The following TSPAN5 variants were observed in gnomAD, a reference collection of about 807,000 sequenced individuals.
TSPAN5 encodes tetraspanin 5.
TSPAN5 carries 10 observed loss-of-function variants against 37.1 expected under a neutral mutation model. The ratio of observed to expected loss-of-function variants is 0.27; its 90% CI spans 0.17 to 0.46. The LOEUF is 0.46. TSPAN5 is among the 20% of genes least tolerant of loss of function. The pLI, the probability that TSPAN5 is intolerant of heterozygous loss-of-function variation, is 1.00. For missense variants in TSPAN5, 195 were observed against 326.6 expected (o/e 0.60, Z 3.11); for synonymous variants, 110 against 118.9 (o/e 0.93, Z 0.48).
chr4:98,615,775 G>A (rs1025425498), intron 1 of TSPAN5, among the ~76,000 whole-genome samples: 4 of 152,108 alleles, frequency 2.6e-5, no homozygotes, highest in African/African-American at 4.8e-5. Flanking sequence ...TAGACTCGTC[G>A]GAATTTCAGA....
intron 1 of TSPAN5, among the ~76,000 whole-genome samples, chr4:98,521,261 C>A (rs1458059782): frequency 6.6e-6 from 1 of 152,180 alleles, no homozygotes; most frequent in African/African-American, 2.4e-5. Context: ...TCCTTCGTTA[C>A]TATCTTTTCA....
At chr4:98,541,155 C>G (rs1321617686) in intron 1 of TSPAN5, among the ~76,000 whole-genome samples, 1 of 152,188 alleles carries the variant, frequency 6.6e-6, no homozygotes. Flanking sequence ...CCCTCCTTCT[C>G]TAGACAGGGG....
intron 1 of TSPAN5, among the ~76,000 whole-genome samples, chr4:98,606,333 A>G (rs751816366): frequency 6.6e-6 from 1 of 152,252 alleles, no homozygotes; most frequent in African/African-American, 2.4e-5. Context: ...ACTTTTCAAA[A>G]GAAAACAGGA....
intron 7 of TSPAN5, among the ~76,000 whole-genome samples, chr4:98,473,605 G>A (rs926252108): frequency 6.6e-6 from 1 of 151,824 alleles, no homozygotes; most frequent in Non-Finnish European, 1.5e-5. Context: ...GACTACAGGC[G>A]CCCGCCACCG....
At chr4:98,505,686 A>G (rs1031899570) in intron 2 of TSPAN5, among the ~76,000 whole-genome samples, 1 of 152,194 alleles carries the variant, frequency 6.6e-6, no homozygotes, top group African/African-American at 2.4e-5. Flanking sequence ...TGCAAGCTCC[A>G]TGAGGCATGG....
intron 2 of TSPAN5, among the ~76,000 whole-genome samples, chr4:98,488,603 A>C (rs969534196): frequency 3.3e-5 from 5 of 152,222 alleles, no homozygotes; most frequent in African/African-American, 1.2e-4. Context: ...GCATAGACCA[A>C]AGGTTTGATC....
chr4:98,515,642 T>A (rs950914938), intron 1 of TSPAN5, among the ~76,000 whole-genome samples: 7 of 152,170 alleles, frequency 4.6e-5, no homozygotes, highest in Admixed American at 2.0e-4. Flanking sequence ...GACCTGGGAT[T>A]AGATAACAGA....
chr4:98,472,445 C>G lies in TSPAN5; in HGVS notation c.*77G>C. The G allele has an allele frequency of 4.5e-6, 6 of 1,342,212 alleles. No individual in the cohort carries two copies. Among genetic ancestry groups the G allele is most frequent in the Non-Finnish European group, 6.4e-6 (6 of 943,330 alleles). 83.1% of individuals were successfully genotyped at this position (1,342,212 alleles called of 1,614,324 possible). A position where few individuals can be genotyped will look rare whatever the true frequency, so the allele number is the denominator to read the frequency against. On this transcript the variant is annotated 3_prime_UTR_variant, in exon 8 of 8. Coordinates refer to ENST00000305798, the MANE Select transcript of TSPAN5 (RefSeq NM_005723.4). The stretch of plus-strand genomic sequence containing the variant: ...CATCTGTGATTAGGTCCATGCAGCT[C>G]GAAGATCAGTTCGGCACGCGGGAGG...
At chr4:98,556,219 A>G (rs1289836197) in intron 1 of TSPAN5, among the ~76,000 whole-genome samples, 1 of 152,140 alleles carries the variant, frequency 6.6e-6, no homozygotes, top group African/African-American at 2.4e-5. Context: ...CTTCCTGTAG[A>G]AGGATACACA....
chr4:98,538,291 C>T (rs1375402089), intron 1 of TSPAN5, among the ~76,000 whole-genome samples: 1 of 152,264 alleles, frequency 6.6e-6, no homozygotes, highest in Non-Finnish European at 1.5e-5. Context: ...GCCTGCTCCT[C>T]ACTCTTGGCC....
At chr4:98,652,820 G>A (rs1757217489) in intron 1 of TSPAN5, among the ~76,000 whole-genome samples, 1 of 152,216 alleles carries the variant, frequency 6.6e-6, no homozygotes, top group African/African-American at 2.4e-5. Context: ...TTAAAACAAA[G>A]TGACCCATCT....
intron 1 of TSPAN5, among the ~76,000 whole-genome samples, chr4:98,607,479 A>C (rs1756064760): frequency 6.6e-6 from 1 of 152,088 alleles, no homozygotes; most frequent in Non-Finnish European, 1.5e-5. Flanking sequence ...TTCTCTTTTT[A>C]CTTTGGTTTC....
intron 1 of TSPAN5, among the ~76,000 whole-genome samples, chr4:98,592,448 T>TTTTTTTTTTTTTTTTTA (rs1755667937): frequency 1.6e-5 from 2 of 127,166 alleles, no homozygotes; most frequent in African/African-American, 6.0e-5. Context: ...TTTTTTTTTT[T>TTTTTTTTTTTTTTTTTA]ATTATACTCT....
chr4:98,507,883 A>G (rs939157647), intron 1 of TSPAN5, among the ~76,000 whole-genome samples, 155 bp from the exon 2 acceptor site: 1 of 152,190 alleles, frequency 6.6e-6, no homozygotes, highest in African/African-American at 2.4e-5. Context: ...AAATACCATA[A>G]TCCCCCTACT....
intron 2 of TSPAN5, among the ~76,000 whole-genome samples, chr4:98,506,429 G>C (rs1202601287): frequency 6.6e-6 from 1 of 152,166 alleles, no homozygotes; most frequent in African/African-American, 2.4e-5. Context: ...CTAAAAAGTA[G>C]TTTGTTTTCC....
At chr4:98,475,011 C>G (rs1752663659) in intron 7 of TSPAN5, among the ~76,000 whole-genome samples, 1 of 152,148 alleles carries the variant, frequency 6.6e-6, no homozygotes, top group Non-Finnish European at 1.5e-5. Context: ...CAATTTTATT[C>G]CACTTCTCTA....
chr4:98,646,852 TA>T (rs1757079869), intron 1 of TSPAN5, among the ~76,000 whole-genome samples: 1 of 149,232 alleles, frequency 6.7e-6, no homozygotes, highest in South Asian at 2.1e-4. Context: ...TAATAATTGC[TA>T]ATACCTATTG....
chr4:98,580,937 C>T (rs1340286564), intron 1 of TSPAN5, among the ~76,000 whole-genome samples: 2 of 152,142 alleles, frequency 1.3e-5, no homozygotes, highest in African/African-American at 4.8e-5. Context: ...GCTAGATCTC[C>T]ACTTTCTCCT....
chr4:98,548,482 T>C (rs1754522989), intron 1 of TSPAN5, among the ~76,000 whole-genome samples: 1 of 152,138 alleles, frequency 6.6e-6, no homozygotes, highest in Admixed American at 6.5e-5. Context: ...CTAAATTACA[T>C]GGTACCAGCT....
Sources: gnomAD v4.1 joint callset for allele counts (sites outside exome capture counted in the v4.1 genomes callset) on GRCh38, gnomAD v4.1.1 for gene constraint, MANE v1.5 for transcripts, NCBI Gene and HGNC (gene_info 2026-07-23, HGNC 2026-07-21) for gene names.